The following IGFBP7 variants were observed in gnomAD, a reference collection of about 807,000 sequenced individuals.
IGFBP7 encodes insulin-like growth factor-binding protein 7.
IGFBP7 carries 31 observed loss-of-function variants against 29.4 expected under a neutral mutation model. The observed-to-expected ratio is 1.05, with a 90% confidence interval of 0.79 to 1.42. The LOEUF (loss-of-function observed/expected upper bound fraction) is 1.42, where lower values mean the gene tolerates loss of function less well. Among genes scored for constraint, IGFBP7 ranks in the 40% most tolerant of loss-of-function variants. IGFBP7 has a pLI of 0.00. For missense variants in IGFBP7, 393 were observed against 395.5 expected (o/e 0.99, Z 0.05); for synonymous variants, 172 against 174.9 (o/e 0.98, Z 0.13).
chr4:57,097,844 C>A (rs1279676768), intron 1 of IGFBP7, among the ~76,000 whole-genome samples: 3 of 152,156 alleles, frequency 2.0e-5, no homozygotes, highest in Non-Finnish European at 4.4e-5. Context: ...CGTACACCAG[C>A]CAATCTTGGC....
intron 1 of IGFBP7, among the ~76,000 whole-genome samples, chr4:57,044,679 C>T (rs1236364471): frequency 1.3e-5 from 2 of 150,828 alleles, no homozygotes; most frequent in South Asian, 2.1e-4. Context: ...TATATGTGTG[C>T]GTCTATTTCT....
Position 57,089,597 on chromosome 4 carries a change from T to C in IGFBP7, c.475+20280A>G, listed in dbSNP as rs187574637. On this transcript the variant is annotated intron_variant, in intron 1 of 4. Coordinates refer to ENST00000295666, the MANE Select transcript of IGFBP7 (RefSeq NM_001553.3). The stretch of plus-strand genomic sequence containing the variant: ...GTCTGTGGTCTCTAAAACACTAAGC[T>C]TCTAGTCACCCTTTGAATTCACCTT... Among the ~76,000 whole-genome samples, 723 of 152,330 alleles carry C rather than the reference T, an allele frequency of 4.7e-3. 4 individuals carry two copies. The highest frequency in any genetic ancestry group is 0.015 in the African/African-American group (641 of 41,554).
At chr4:57,098,918 C>T (rs747968370) in intron 1 of IGFBP7, among the ~76,000 whole-genome samples, 2 of 152,214 alleles carry the variant, frequency 1.3e-5, no homozygotes, top group Non-Finnish European at 2.9e-5. Flanking sequence ...CTGAATCCTG[C>T]AGGCTTGGGC....
chr4:57,106,643 T>C (rs1165083218), intron 1 of IGFBP7, among the ~76,000 whole-genome samples: 1 of 152,176 alleles, frequency 6.6e-6, no homozygotes, highest in East Asian at 1.9e-4. Context: ...AAGAATGACA[T>C]TCTGATTCCA....
intron 2 of IGFBP7, among the ~76,000 whole-genome samples, chr4:57,034,049 C>CAAAAAAAA (rs35304758): frequency 3.1e-5 from 3 of 96,506 alleles, no homozygotes; most frequent in East Asian, 3.0e-4. Context: ...GACTCCATCT[C>CAAAAAAAA]AAAAAAAAAA....
intron 1 of IGFBP7, among the ~76,000 whole-genome samples, chr4:57,061,301 T>C (rs915026314): frequency 6.6e-6 from 1 of 152,116 alleles, no homozygotes; most frequent in Non-Finnish European, 1.5e-5. Context: ...TATATATTAA[T>C]ACTATGTTTT....
chr4:57,059,096 C>T (rs1396135931), intron 1 of IGFBP7, among the ~76,000 whole-genome samples: 1 of 152,176 alleles, frequency 6.6e-6, no homozygotes, highest in African/African-American at 2.4e-5. Context: ...CAAAAAACAA[C>T]AGATGCTGGC....
chr4:57,053,387 A>T (rs951921992), intron 1 of IGFBP7, among the ~76,000 whole-genome samples: 2 of 152,112 alleles, frequency 1.3e-5, no homozygotes, highest in African/African-American at 4.8e-5. Context: ...TGGGGTACTG[A>T]CAAAGAGTCT....
intron 1 of IGFBP7, among the ~76,000 whole-genome samples, chr4:57,081,523 CT>C (rs1215525419): frequency 6.6e-6 from 1 of 151,988 alleles, no homozygotes; most frequent in Non-Finnish European, 1.5e-5. Flanking sequence ...TAGTCACATC[CT>C]TCTTGGTGTG....
intron 1 of IGFBP7, among the ~76,000 whole-genome samples, chr4:57,109,182 TC>T (rs1726107838): frequency 6.6e-6 from 1 of 152,102 alleles, no homozygotes; most frequent in Non-Finnish European, 1.5e-5. Flanking sequence ...ATGCCTGTAA[TC>T]CCAGCAGGCC....
At position 57,110,058 on chromosome 4, in the gene IGFBP7, G is replaced by C. The variant is rs773376876; in HGVS notation, c.294C>G (p.Ala98=). ...VKSRKRRKGK[A]GAAAGGPGVS... is the part of the protein sequence containing the mutation. ...CACCCGGACCGCCGGCTGCTGCCCCGGCTTTACCCTTCCGCCTCTTGCGGC... is the reference window on the plus strand; with the variant it reads ...CACCCGGACCGCCGGCTGCTGCCCCCGCTTTACCCTTCCGCCTCTTGCGGC... The change falls in exon 1 of 5, where the codon GCC becomes GCG. Residue 98 remains alanine, a synonymous_variant. Coordinates refer to ENST00000295666, the MANE Select transcript of IGFBP7 (RefSeq NM_001553.3). 6.4e-7 allele frequency: 1 copy of C among 1,561,828 alleles called. No homozygotes were observed. The highest frequency in any genetic ancestry group is 8.6e-7 in the Non-Finnish European group (1 of 1,159,952).
intron 1 of IGFBP7, among the ~76,000 whole-genome samples, chr4:57,083,341 TA>T (rs1434209998): frequency 6.6e-6 from 1 of 152,212 alleles, no homozygotes; most frequent in Non-Finnish European, 1.5e-5. Context: ...AAAATTTGGC[TA>T]AGCTGAACGG....
At chr4:57,055,900 G>A (rs893324199) in intron 1 of IGFBP7, among the ~76,000 whole-genome samples, 4 of 152,100 alleles carry the variant, frequency 2.6e-5, no homozygotes, top group African/African-American at 9.7e-5. Flanking sequence ...TTGAATAAAG[G>A]GATCTCTGTG....
chr4:57,108,023 T>C (rs766821624), intron 1 of IGFBP7, among the ~76,000 whole-genome samples: 7 of 152,220 alleles, frequency 4.6e-5, no homozygotes, highest in Non-Finnish European at 7.3e-5. Flanking sequence ...TTCCCCATTG[T>C]AATGTTTATA....
chr4:57,042,552 T>C (rs1198096971), intron 1 of IGFBP7, among the ~76,000 whole-genome samples: 2 of 152,194 alleles, frequency 1.3e-5, no homozygotes, highest in African/African-American at 4.8e-5. Context: ...TTTGCCACGT[T>C]GGCCAGGCTG....
Position 57,033,110 on chromosome 4 carries a change from G to A in IGFBP7, c.702+85C>T. On this transcript the variant is annotated intron_variant, in intron 3 of 4. Transcript: ENST00000295666. ...TGGAAGAGCAAGCACCTTTAGGCTG[G>A]CGGTACATCAGGCACCTTTGCCAGG... 5.5e-6 allele frequency: 5 copies of A among 912,772 alleles called. No homozygotes were observed. The South Asian group carries it at 6.5e-5, about 12-fold the overall frequency. 56.5% of individuals were successfully genotyped at this position (912,772 alleles called of 1,614,324 possible).
chr4:57,106,174 G>C (rs890810640), intron 1 of IGFBP7, among the ~76,000 whole-genome samples: 2 of 152,146 alleles, frequency 1.3e-5, no homozygotes, highest in African/African-American at 4.8e-5. Flanking sequence ...CCAAAGTGCT[G>C]GGATTACAGG....
At chr4:57,092,757 T>G (rs980473918) in intron 1 of IGFBP7, among the ~76,000 whole-genome samples, 1 of 150,886 alleles carries the variant, frequency 6.6e-6, no homozygotes, top group African/African-American at 2.4e-5. Flanking sequence ...GAAAGATCTT[T>G]GTGTCTAAAG....
chr4:57,063,851 T>C (rs1363051019), intron 1 of IGFBP7, among the ~76,000 whole-genome samples: 2 of 152,218 alleles, frequency 1.3e-5, no homozygotes, highest in African/African-American at 4.8e-5. Context: ...TATACTAACA[T>C]AGATCGTAAG....
Sources: allele counts gnomAD v4.1 joint callset (sites outside exome capture counted in the v4.1 genomes callset), GRCh38; gene constraint gnomAD v4.1.1; transcripts MANE v1.5; gene names NCBI Gene and HGNC (gene_info 2026-07-23, HGNC 2026-07-21).